The following PCDH9 variants were observed in gnomAD, a reference collection of about 807,000 sequenced individuals.
PCDH9 encodes the protein protocadherin-9.
In PCDH9, 24 loss-of-function variants were observed where a neutral mutation model predicts 70.6. The observed-to-expected ratio is 0.34, with a 90% CI of 0.25 to 0.48. The LOEUF (loss-of-function observed/expected upper bound fraction) is 0.48. PCDH9 is among the 20% of genes least tolerant of loss of function. The pLI, the probability that PCDH9 is intolerant of heterozygous loss-of-function variation, is 0.99. For missense variants in PCDH9, 1,281 were observed against 1,503.6 expected (o/e 0.85, Z 2.45); for synonymous variants, 562 against 558.5 (o/e 1.01, Z -0.09).
At chr13:67,154,151 C>G (rs929137009) in intron 2 of PCDH9, among the ~76,000 whole-genome samples, 3 of 152,080 alleles carry the variant, frequency 2.0e-5, no homozygotes, top group African/African-American at 7.2e-5. Flanking sequence ...TAGTTTAGAA[C>G]AGGTAAGAAA....
At chr13:67,209,833 T>A (rs1343786496) in intron 2 of PCDH9, 1 of 152,056 alleles carries the variant, frequency 6.6e-6, no homozygotes. Flanking sequence ...AATTTGCAGT[T>A]TGGTTTTTCT....
chr13:67,046,720 G>A (rs2085229077), intron 2 of PCDH9, among the ~76,000 whole-genome samples: 1 of 151,924 alleles, frequency 6.6e-6, no homozygotes, highest in Admixed American at 6.6e-5. Flanking sequence ...AACCAAAAAT[G>A]ACTATGCCAT....
chr13:67,176,635 G>T (rs1252987931), intron 2 of PCDH9, among the ~76,000 whole-genome samples: 1 of 151,888 alleles, frequency 6.6e-6, no homozygotes, highest in Non-Finnish European at 1.5e-5. Context: ...TTTAGACAAA[G>T]TGAAAATGAA....
chr13:67,069,388 T>C (rs2085713488), intron 2 of PCDH9, among the ~76,000 whole-genome samples: 1 of 152,196 alleles, frequency 6.6e-6, no homozygotes, highest in Non-Finnish European at 1.5e-5. Context: ...GAGAAAATAA[T>C]ACTCAAAAGA....
intron 4 of PCDH9, among the ~76,000 whole-genome samples, chr13:66,379,439 A>G (rs1228754849): frequency 1.3e-5 from 2 of 152,220 alleles, no homozygotes; most frequent in African/African-American, 4.8e-5. Flanking sequence ...CACGTCACTC[A>G]TTACTTTCCA....
chr13:66,380,845 T>C (rs1253437980), intron 4 of PCDH9, among the ~76,000 whole-genome samples: 2 of 152,140 alleles, frequency 1.3e-5, no homozygotes, highest in Non-Finnish European at 2.9e-5. Context: ...GCCAGCCAGA[T>C]CTTGGTTGTT....
intron 3 of PCDH9, among the ~76,000 whole-genome samples, chr13:66,794,977 G>GCACACACACA (rs71107002): frequency 0.27 from 39,652 of 147,148 alleles, 6,311 homozygotes; most frequent in Admixed American, 0.38. Flanking sequence ...ACACACACAG[G>GCACACACACA]CACACACACA....
intron 4 of PCDH9, among the ~76,000 whole-genome samples, chr13:66,604,025 C>A (rs1250986981): frequency 6.6e-6 from 1 of 151,924 alleles, no homozygotes; most frequent in Non-Finnish European, 1.5e-5. Flanking sequence ...TCTCTTTATA[C>A]AAGTAAATAT....
intron 3 of PCDH9, among the ~76,000 whole-genome samples, chr13:66,859,738 T>C (rs1948320452): frequency 1.3e-5 from 2 of 152,200 alleles, no homozygotes; most frequent in Admixed American, 6.5e-5. Flanking sequence ...GAAAATACAG[T>C]ATAAGAGCAA....
chr13:66,362,757 A>T (rs766034056), intron 4 of PCDH9, among the ~76,000 whole-genome samples: 1 of 152,148 alleles, frequency 6.6e-6, no homozygotes, highest in African/African-American at 2.4e-5. Flanking sequence ...GATGGGGACT[A>T]AACAGTTGTG....
Position 66,848,084 on chromosome 13 carries a change from C to T in PCDH9, c.3138+55420G>A, listed in dbSNP as rs1421329010. Among the ~76,000 whole-genome samples, 3 of 152,248 alleles carry T rather than the reference C, an allele frequency of 2.0e-5. No homozygotes were observed. In the South Asian group the frequency reaches 6.2e-4, roughly 32 times the overall value. Reference sequence around the variant, plus strand: ...ATGGCTTATAAGAAACACCAATCTCCTGTATTTCAGCGTATCTCCTATATC... The same window carrying T: ...ATGGCTTATAAGAAACACCAATCTCTTGTATTTCAGCGTATCTCCTATATC... On this transcript the variant is annotated intron_variant, in intron 3 of 4. Transcript: ENST00000377865.
At chr13:66,615,478 T>C (rs1373101143) in intron 4 of PCDH9, among the ~76,000 whole-genome samples, 1 of 152,336 alleles carries the variant, frequency 6.6e-6, no homozygotes, top group African/African-American at 2.4e-5. Context: ...TTTCTAACTA[T>C]AACTACCCTG....
rs181983624 is a variant in PCDH9, at chr13:67,174,495, A to T, written c.3036+50910T>A. ...TATAGCAAATTTATCTGTTCATTGAACTGAGAGCTAAAGCTGCATTCGTCA... is the reference window on the plus strand; with the variant it reads ...TATAGCAAATTTATCTGTTCATTGATCTGAGAGCTAAAGCTGCATTCGTCA... On this transcript the variant is annotated intron_variant, in intron 2 of 4. Coordinates refer to ENST00000377865, the MANE Select transcript of PCDH9 (RefSeq NM_203487.3). Among the ~76,000 whole-genome samples, 273 of 152,296 alleles carry T rather than the reference A, an allele frequency of 1.8e-3. 1 individual carries two copies. The highest frequency in any genetic ancestry group is 0.014 in the Middle Eastern group (4 of 294).
chr13:66,678,589 C>A (rs1327301168), intron 3 of PCDH9, among the ~76,000 whole-genome samples: 1 of 151,914 alleles, frequency 6.6e-6, no homozygotes, highest in Admixed American at 6.6e-5. Flanking sequence ...ATGGTTGATA[C>A]TTATGTAATA....
chr13:67,089,732 T>C (rs1391965895), intron 2 of PCDH9, among the ~76,000 whole-genome samples: 2 of 152,026 alleles, frequency 1.3e-5, no homozygotes, highest in Non-Finnish European at 2.9e-5. Context: ...GTCAATCCTC[T>C]AGAACATGAA....
At chr13:66,729,697 A>G (rs1056024035) in intron 3 of PCDH9, among the ~76,000 whole-genome samples, 4 of 151,996 alleles carry the variant, frequency 2.6e-5, no homozygotes, top group Non-Finnish European at 5.9e-5. Context: ...TGTGTGAGAA[A>G]ACTCTTTTGA....
chr13:66,502,624 G>T (rs1029718198), intron 4 of PCDH9, among the ~76,000 whole-genome samples: 3 of 140,982 alleles, frequency 2.1e-5, no homozygotes, highest in Non-Finnish European at 4.6e-5. Flanking sequence ...CGCTACTGAA[G>T]AATGTCTAGA....
intron 2 of PCDH9, among the ~76,000 whole-genome samples, chr13:67,098,254 T>A (rs938038979): frequency 7.9e-5 from 12 of 152,130 alleles, no homozygotes; most frequent in Non-Finnish European, 1.8e-4. Flanking sequence ...ACTTATGAAA[T>A]CTCTGAATCA....
intron 2 of PCDH9, among the ~76,000 whole-genome samples, chr13:66,934,557 AG>A (rs1255331637): frequency 5.4e-5 from 8 of 148,858 alleles, no homozygotes; most frequent in South Asian, 4.2e-4. Flanking sequence ...AAAAAAAAAA[AG>A]AAAAAGAAAA....
Sources: allele counts gnomAD v4.1 joint callset (sites outside exome capture counted in the v4.1 genomes callset), GRCh38; gene constraint gnomAD v4.1.1; transcripts MANE v1.5; gene names NCBI Gene and HGNC (gene_info 2026-07-23, HGNC 2026-07-21).